DOCK7: variants seen among roughly 807,000 people sequenced by gnomAD.
DOCK7 encodes dedicator of cytokinesis protein 7.
In DOCK7, 138 loss-of-function variants were observed where a neutral mutation model predicts 271.0. That is an observed-to-expected ratio of 0.51 (90% confidence interval 0.44 to 0.59). DOCK7 has a LOEUF of 0.59. Among genes scored for constraint, DOCK7 ranks in the 20% least tolerant of loss-of-function variants. The probability of loss-of-function intolerance (pLI) is 0.00; values close to 1 mark genes in which losing one functional copy is unlikely to be tolerated. For missense variants in DOCK7, 2,066 were observed against 2,592.4 expected (o/e 0.80, Z 4.41); for synonymous variants, 823 against 876.1 (o/e 0.94, Z 1.07).
chr1:62,652,246 C>G (rs186668411), intron 4 of DOCK7, among the ~76,000 whole-genome samples: 3 of 152,240 alleles, frequency 2.0e-5, no homozygotes, highest in African/African-American at 7.2e-5. Context: ...TGTATCTTCT[C>G]CTTAGATTAT....
intron 31 of DOCK7, among the ~76,000 whole-genome samples, chr1:62,518,306 T>C (rs1161785784): frequency 6.6e-6 from 1 of 152,038 alleles, no homozygotes; most frequent in Non-Finnish European, 1.5e-5. Flanking sequence ...GCGTGGTGGC[T>C]CACGCCTGTA....
At chr1:62,502,268 C>G (rs1646805261) in intron 37 of DOCK7, among the ~76,000 whole-genome samples, 1 of 152,072 alleles carries the variant, frequency 6.6e-6, no homozygotes, top group Admixed American at 6.6e-5. Flanking sequence ...GCACTGAGAA[C>G]CAAACATAAA....
Position 62,518,169 on chromosome 1 carries a change from C to T in DOCK7, c.3937-4271G>A, listed in dbSNP as rs527826392. Among the ~76,000 whole-genome samples the T allele has an allele frequency of 2.1e-3, 315 of 152,276 alleles. 2 individuals are homozygous for T. The highest frequency in any genetic ancestry group is 7.2e-3 in the African/African-American group (300 of 41,552). On this transcript the variant is annotated intron_variant, in intron 31 of 49. Transcript: ENST00000635253. ...AGACAAAACTGGCTGGATGTGGTGG[C>T]TCATGCCTGTAATCCCAGCACTTTG...
chr1:62,627,070 T>G (rs1654042830), intron 11 of DOCK7, among the ~76,000 whole-genome samples: 2 of 152,106 alleles, frequency 1.3e-5, no homozygotes, highest in Admixed American at 1.3e-4. Context: ...CCCAGGAATT[T>G]AAGGTTAATT....
rs189721432 is a variant in DOCK7, at chr1:62,497,190, C to T, written c.4765-693G>A. 2.0e-3 allele frequency among the ~76,000 whole-genome samples: 299 copies of T among 152,202 alleles called. 2 individuals carry two copies. The highest frequency in any genetic ancestry group is 0.014 in the Middle Eastern group (4 of 294). On this transcript the variant is annotated intron_variant, in intron 37 of 49. Coordinates refer to ENST00000635253, the MANE Select transcript of DOCK7 (RefSeq NM_001367561.1). Reference sequence around the variant, plus strand: ...GTGGCACCACTTTATCCTGGTTTTCCTATTCTTTTTCGACTCTTTTTCTAT... The same window carrying T: ...GTGGCACCACTTTATCCTGGTTTTCTTATTCTTTTTCGACTCTTTTTCTAT...
At chr1:62,663,692 C>T (rs1200391794) in intron 1 of DOCK7, among the ~76,000 whole-genome samples, 1 of 152,132 alleles carries the variant, frequency 6.6e-6, no homozygotes, top group Admixed American at 6.6e-5. Context: ...AATCTTTTCT[C>T]CTGCTTCTCT....
In DOCK7 at chr1:62,513,716, T is replaced by C; in HGVS notation, c.4119A>G (p.Lys1373=). Residue 1373 remains lysine (K), a splice_region_variant and synonymous_variant, in exon 32 of 50, where the codon AAA becomes AAG. Transcript: ENST00000635253. ...LYLCVSCFEY[K]GKKVFERMNS... ...TTGCAATGGTACAATGACCACTTAC[T>C]TTATACTCAAAGCAAGACACACAGA... 1 of 1,613,672 alleles carries C rather than the reference T, an allele frequency of 6.2e-7. No individual in the cohort carries two copies. The highest frequency in any genetic ancestry group is 8.5e-7 in the Non-Finnish European group (1 of 1,179,884).
intron 14 of DOCK7, chr1:62,597,843 A>C (rs777910790): frequency 1.9e-6 from 3 of 1,605,168 alleles, no homozygotes; most frequent in Non-Finnish European, 8.5e-7. Flanking sequence ...CAGTGAAATC[A>C]AAGAAGAAGA....
chr1:62,574,011 A>T (rs1646867159), intron 18 of DOCK7, among the ~76,000 whole-genome samples: 1 of 152,196 alleles, frequency 6.6e-6, no homozygotes, highest in Non-Finnish European at 1.5e-5. Context: ...GTCAGGAAGT[A>T]CCTTGGCTGT....
chr1:62,658,767 T>A (rs186816632), intron 2 of DOCK7, among the ~76,000 whole-genome samples: 4 of 151,700 alleles, frequency 2.6e-5, no homozygotes, highest in African/African-American at 9.7e-5. Flanking sequence ...CTGGGAAACA[T>A]GGCAAAACCT....
At chr1:62,676,439 G>C (rs151201341) in intron 1 of DOCK7, among the ~76,000 whole-genome samples, 568 of 152,302 alleles carry the variant, frequency 3.7e-3, no homozygotes, top group Non-Finnish European at 4.9e-3. Context: ...TCTAAAACTA[G>C]ATTGTGGATG....
chr1:62,670,533 C>T (rs1190054395), intron 1 of DOCK7, among the ~76,000 whole-genome samples: 24 of 149,646 alleles, frequency 1.6e-4, no homozygotes, highest in Non-Finnish European at 3.1e-4. Flanking sequence ...ATACACCAAT[C>T]GGCACTCTGT....
chr1:62,539,472 A>G (rs776765890), intron 27 of DOCK7, 73 bp downstream of exon 27: 1 of 1,282,422 alleles, frequency 7.8e-7, no homozygotes, highest in Non-Finnish European at 1.1e-6. Context: ...AAGGTCTCTT[A>G]GCTCTAACTT....
chr1:62,538,030 G>A lies in DOCK7; in HGVS notation c.3332C>T (p.Pro1111Leu), dbSNP rs188530601. The A allele has an allele frequency of 6.2e-7, 1 of 1,613,834 alleles. No individual in the cohort carries two copies. Among genetic ancestry groups the A allele is most frequent in the Non-Finnish European group, 8.5e-7 (1 of 1,179,862 alleles). ...VSSKLYSLPN[P>L]SVLVSLRLDF... is the part of the protein sequence containing the mutation. ...CAGCCTCAAGGACACCAGAACACTG[G>A]GATTCGGTAATGAGTAAAGCTTTGA... is the stretch of plus-strand genomic sequence containing the variant. Residue 1111 changes from proline to leucine, a missense_variant, in exon 28 of 50, where the codon CCC (proline) becomes CTC (leucine). Coordinates refer to ENST00000635253, the MANE Select transcript of DOCK7 (RefSeq NM_001367561.1).
intron 14 of DOCK7, among the ~76,000 whole-genome samples, chr1:62,599,981 A>C (rs1208445306): frequency 6.6e-6 from 1 of 151,954 alleles, no homozygotes; most frequent in African/African-American, 2.4e-5. Flanking sequence ...AAACAAAATC[A>C]TTTTCAAGAG....
intron 14 of DOCK7, among the ~76,000 whole-genome samples, chr1:62,593,374 A>C (rs1261764585): frequency 6.6e-6 from 1 of 152,194 alleles, no homozygotes; most frequent in African/African-American, 2.4e-5. Context: ...GTTCGAGACC[A>C]GTCTGGCCAA....
At chr1:62,655,948 G>C (rs549436679) in intron 2 of DOCK7, among the ~76,000 whole-genome samples, 1 of 152,156 alleles carries the variant, frequency 6.6e-6, no homozygotes, top group African/African-American at 2.4e-5. Flanking sequence ...CAAAATGGTA[G>C]AGCAGAAATT....
chr1:62,496,541 C>G, intron 37 of DOCK7, 44 bp from the exon 38 acceptor site: 1 of 1,518,092 alleles, frequency 6.6e-7, no homozygotes, highest in South Asian at 1.3e-5. Context: ...TATAGAAAAG[C>G]TTTAAAAAGT....
intron 1 of DOCK7, among the ~76,000 whole-genome samples, chr1:62,687,963 G>A (rs1287446585): frequency 1.3e-5 from 2 of 152,188 alleles, no homozygotes; most frequent in African/African-American, 2.4e-5. Context: ...GCAGGAGGAG[G>A]CGGGCGCGCT....
Sources: allele counts gnomAD v4.1 joint callset (sites outside exome capture counted in the v4.1 genomes callset), GRCh38; gene constraint gnomAD v4.1.1; transcripts MANE v1.5; gene names NCBI Gene and HGNC (gene_info 2026-07-23, HGNC 2026-07-21).